The following SLC1A2 variants were observed in gnomAD, a reference collection of about 807,000 sequenced individuals.
SLC1A2 encodes the protein excitatory amino acid transporter 2.
A neutral mutation model predicts 48.8 loss-of-function variants in SLC1A2; 15 were observed. The observed-to-expected ratio is 0.31, with a 90% CI of 0.21 to 0.47. The LOEUF is 0.47. Among genes scored for constraint, SLC1A2 ranks in the 20% least tolerant of loss-of-function variants. The pLI, the probability that SLC1A2 is intolerant of heterozygous loss-of-function variation, is 0.99. For missense variants in SLC1A2, 502 were observed against 730.5 expected, an observed-to-expected ratio of 0.69 and a Z score of 3.61; for synonymous variants, 279 against 272.6, an observed-to-expected ratio of 1.02 and a Z score of -0.23.
At chr11:35,388,987 C>A (rs906694165) in intron 1 of SLC1A2, among the ~76,000 whole-genome samples, 1 of 152,102 alleles carries the variant, frequency 6.6e-6, no homozygotes, top group East Asian at 1.9e-4. Flanking sequence ...CTATTTGATG[C>A]GATGTTCACT....
At position 35,378,876 on chromosome 11, in the gene SLC1A2, A is replaced by T. The variant is rs532129794; in HGVS notation, c.17+40074T>A. On this transcript the variant is annotated intron_variant, in intron 1 of 10. Transcript: ENST00000278379. ...GCTAAATGTAGCTCATGGAAGGGGAAGGAGAAGATGGAGGGGTAAGTCTGA... is the reference window on the plus strand; with the variant it reads ...GCTAAATGTAGCTCATGGAAGGGGATGGAGAAGATGGAGGGGTAAGTCTGA... Among the ~76,000 whole-genome samples the T allele has an allele frequency of 5.3e-5, 8 of 152,332 alleles. No individual in the cohort carries two copies. In the South Asian group the frequency reaches 1.7e-3, roughly 32 times the overall value.
chr11:35,312,089 A>G, intron 4 of SLC1A2, 109 bp downstream of exon 4: 1 of 1,114,292 alleles, frequency 9.0e-7, no homozygotes, highest in Admixed American at 2.1e-5. Flanking sequence ...AGAGATAATT[A>G]TATATTTAGA....
At position 35,311,897 on chromosome 11, in the gene SLC1A2, G is replaced by GGAGAGAGAGAGAGAGAGAGA. The variant is rs1213084635; in HGVS notation, c.561+281_561+300dup. On this transcript the variant is annotated intron_variant, in intron 4 of 10. Coordinates refer to ENST00000278379, the MANE Select transcript of SLC1A2 (RefSeq NM_004171.4). ...GAGAGAGAGAGAGAGAGAGAGGGAG[G>GGAGAGAGAGAGAGAGAGAGA]GAGAGAGAGAGAGAGAGAGAGAGAG... is the stretch of plus-strand genomic sequence containing the variant. Among the ~76,000 whole-genome samples, 28 of 25,722 alleles carry GGAGAGAGAGAGAGAGAGAGA rather than the reference G, an allele frequency of 1.1e-3. 5 individuals carry two copies. The highest frequency in any genetic ancestry group is 1.6e-3 in the Non-Finnish European group (23 of 14,504). The allele number at this position is 25,722 out of a possible 152,430, so 16.9% of individuals were successfully genotyped here.
chr11:35,402,009 GTGAATGAA>G (rs10594944), intron 1 of SLC1A2, among the ~76,000 whole-genome samples: 7 of 151,894 alleles, frequency 4.6e-5, no homozygotes, highest in Admixed American at 2.0e-4. Context: ...TAGAAAGTTT[GTGAATGAA>G]TGAATGAATG....
chr11:35,311,891 AGG>A (rs397848938), intron 4 of SLC1A2, among the ~76,000 whole-genome samples: 18,152 of 68,368 alleles, frequency 0.27, 3,580 homozygotes, highest in South Asian at 0.49. Context: ...AGAGAGAGAG[AGG>A]GAGGGAGAGA....
chr11:35,299,353 C>CTCTGTGTGTGTGTG (rs1554997938), intron 6 of SLC1A2: 1 of 146,884 alleles, frequency 6.8e-6, no homozygotes, highest in African/African-American at 2.5e-5. Context: ...CTCTCTCTCT[C>CTCTGTGTGTGTGTG]TGTGTGTGTG....
At chr11:35,294,826 G>A (rs1851121642) in intron 6 of SLC1A2, among the ~76,000 whole-genome samples, 1 of 152,178 alleles carries the variant, frequency 6.6e-6, no homozygotes, top group Admixed American at 6.5e-5. Flanking sequence ...AGCCAGCTGA[G>A]AAAAGCATGA....
Position 35,387,606 on chromosome 11 carries a change from C to A in SLC1A2, c.17+31344G>T, listed in dbSNP as rs188675390. The stretch of plus-strand genomic sequence containing the variant: ...CTGCAAGGCCTATTTGTTTTTTGTT[C>A]TTTTTTAAAATAATGTCTGGGCCAT... On this transcript the variant is annotated intron_variant, in intron 1 of 10. Transcript: ENST00000278379. 7.6e-3 allele frequency among the ~76,000 whole-genome samples: 1,160 copies of A among 152,124 alleles called. 50 individuals are homozygous for A. The highest frequency in any genetic ancestry group is 0.072 in the Admixed American group (1,108 of 15,294).
At chr11:35,369,937 C>T (rs955922954) in intron 1 of SLC1A2, among the ~76,000 whole-genome samples, 21 of 152,188 alleles carry the variant, frequency 1.4e-4, no homozygotes, top group African/African-American at 5.1e-4. Context: ...TGTCAGAAAT[C>T]AAGAATTTGG....
At chr11:35,362,697 C>G (rs1853722787) in intron 1 of SLC1A2, among the ~76,000 whole-genome samples, 1 of 152,170 alleles carries the variant, frequency 6.6e-6, no homozygotes, top group African/African-American at 2.4e-5. Flanking sequence ...TTAGGCAAAA[C>G]AACCATTGAC....
rs565495703 is a variant in SLC1A2, at chr11:35,333,000, C to T, written c.18-15484G>A. Among the ~76,000 whole-genome samples, 3 of 152,316 alleles carry T rather than the reference C, an allele frequency of 2.0e-5. No homozygotes were observed. The South Asian group carries it at 6.2e-4, about 32-fold the overall frequency. ...AACCTGGTGGATCTTCAAACAACTG[C>T]CAACTGTTCCTCAGGTTGGCTCCCT... On this transcript the variant is annotated intron_variant, in intron 1 of 10. Coordinates refer to ENST00000278379, the MANE Select transcript of SLC1A2 (RefSeq NM_004171.4).
intron 1 of SLC1A2, among the ~76,000 whole-genome samples, chr11:35,359,471 A>C (rs898773215): frequency 6.6e-6 from 1 of 152,218 alleles, no homozygotes; most frequent in Non-Finnish European, 1.5e-5. Context: ...CAAAGACATC[A>C]AAAACTGTCC....
At chr11:35,294,851 T>G (rs896577641) in intron 6 of SLC1A2, among the ~76,000 whole-genome samples, 4 of 152,188 alleles carry the variant, frequency 2.6e-5, no homozygotes, top group African/African-American at 9.6e-5. Context: ...CCATTGTAAA[T>G]GGAGAGTGTT....
chr11:35,265,629 G>T lies in SLC1A2; in HGVS notation c.1551C>A (p.Thr517=), dbSNP rs776103276. ...QHRVHEDIEM[T]KTQSIYDDMK... is the part of the protein sequence containing the mutation. ...TGTCATCATAAATGGATTGAGTCTT[G>T]GTCATTTCAATATCTTCATGCACTC... The change falls in exon 10 of 11, where the codon ACC becomes ACA. Residue 517 remains threonine, a synonymous_variant. Transcript: ENST00000278379. The T allele has an allele frequency of 2.5e-6, 4 of 1,612,194 alleles. No individual in the cohort carries two copies. In the South Asian group the frequency reaches 3.3e-5, roughly 13 times the overall value.
intron 1 of SLC1A2, among the ~76,000 whole-genome samples, chr11:35,345,818 C>T (rs1164301225): frequency 6.6e-6 from 1 of 151,980 alleles, no homozygotes; most frequent in Non-Finnish European, 1.5e-5. Context: ...CCAGTAAATC[C>T]CACTGCCAGG....
intron 4 of SLC1A2, among the ~76,000 whole-genome samples, chr11:35,307,813 G>A (rs1382836293): frequency 6.6e-6 from 1 of 152,192 alleles, no homozygotes; most frequent in Non-Finnish European, 1.5e-5. Flanking sequence ...AAAATGGATG[G>A]GAAGGGAGGT....
chr11:35,279,618 T>C (rs2134679110), intron 9 of SLC1A2, among the ~76,000 whole-genome samples: 1 of 152,316 alleles, frequency 6.6e-6, no homozygotes, highest in Middle Eastern at 3.4e-3. Flanking sequence ...ATGATTCAGC[T>C]CAGCTACCAC....
At chr11:35,284,312 G>T (rs72638196) in intron 8 of SLC1A2, among the ~76,000 whole-genome samples, 34,860 of 151,182 alleles carry the variant, frequency 0.23, 4,178 homozygotes, top group Admixed American at 0.28. Flanking sequence ...TATCTACTTT[G>T]TAGGGCTGTT....
intron 9 of SLC1A2, among the ~76,000 whole-genome samples, chr11:35,271,483 G>A (rs1341409217): frequency 6.6e-6 from 1 of 152,194 alleles, no homozygotes; most frequent in Non-Finnish European, 1.5e-5. Context: ...AAAGTTAAAG[G>A]AAACTAGAAG....
Sources: allele counts gnomAD v4.1 joint callset (sites outside exome capture counted in the v4.1 genomes callset), GRCh38; gene constraint gnomAD v4.1.1; transcripts MANE v1.5; gene names NCBI Gene and HGNC (gene_info 2026-07-23, HGNC 2026-07-21).